The following AGAP1 variants were observed in gnomAD, a reference collection of about 807,000 sequenced individuals.
AGAP1 encodes the protein ArfGAP with GTPase domain, ankyrin repeat and PH domain 1.
In AGAP1, 29 loss-of-function variants were observed where a neutral mutation model predicts 105.3. That is an observed-to-expected ratio of 0.28 (90% CI 0.21 to 0.38). The LOEUF is 0.38. Ranked by LOEUF, AGAP1 falls within the 10% of genes least tolerant of loss-of-function variation. AGAP1 has a pLI of 1.00. For missense variants in AGAP1, 998 were observed against 1,165.1 expected (o/e 0.86, Z 2.09); for synonymous variants, 509 against 485.9 (o/e 1.05, Z -0.63).
intron 6 of AGAP1, among the ~76,000 whole-genome samples, chr2:235,764,869 C>A: frequency 6.1e-5 from 1 of 16,408 alleles, no homozygotes; most frequent in African/African-American, 2.9e-4. Context: ...GGGTTGGGGG[C>A]ATCTGGGAGC....
rs928479534 is a variant in AGAP1, at chr2:235,714,681, C to T, written c.223-2876C>T. On this transcript the variant is annotated intron_variant, in intron 2 of 17. Coordinates refer to ENST00000304032, the MANE Select transcript of AGAP1 (RefSeq NM_001037131.3). The surrounding 1 kb of genome is among the most constrained non-coding windows in gnomAD (Gnocchi z 4.1). Reference sequence around the variant, plus strand: ...ACTGGGTGACAGAGAACATTTGGATCCATGAGCCATCACTCAGACAGCAGA... The same window carrying T: ...ACTGGGTGACAGAGAACATTTGGATTCATGAGCCATCACTCAGACAGCAGA... 6.6e-6 allele frequency among the ~76,000 whole-genome samples: 1 copy of T among 152,082 alleles called. No individual in the cohort carries two copies.
chr2:235,591,560 A>G (rs1366450945), intron 1 of AGAP1, among the ~76,000 whole-genome samples: 2 of 152,108 alleles, frequency 1.3e-5, no homozygotes, highest in Non-Finnish European at 2.9e-5. Flanking sequence ...GTTTGGGATA[A>G]GCATACGGCC....
intron 3 of AGAP1, among the ~76,000 whole-genome samples, chr2:235,735,133 T>C (rs961032912): frequency 6.6e-6 from 1 of 152,158 alleles, no homozygotes; most frequent in Non-Finnish European, 1.5e-5. Context: ...ACAGAGATGA[T>C]GTGGGAAAAC....
rs932859881 is a variant in AGAP1 at position 235,871,128 on chromosome 2, T to TCA, written c.1051-12214_1051-12213dup. Among the ~76,000 whole-genome samples, 17 of 152,200 alleles carry TCA rather than the reference T, an allele frequency of 1.1e-4. 1 individual carries two copies. On this transcript the variant is annotated intron_variant, in intron 9 of 17. Coordinates refer to ENST00000304032, the MANE Select transcript of AGAP1 (RefSeq NM_001037131.3). ...CATTGAAGGGGTCCTCATTCTGAGA[T>TCA]CACAGCTACTGGCATCCCCAGGATT... is the stretch of plus-strand genomic sequence containing the variant.
chr2:236,042,210 G>A lies in AGAP1; in HGVS notation c.1891+1369G>A, dbSNP rs189792903. ...AGCAGGGAGGAGGCCAGCCAGGGTCGGCTTGGCCGGGAAGGGAGACAGGAG... is the reference window on the plus strand; with the variant it reads ...AGCAGGGAGGAGGCCAGCCAGGGTCAGCTTGGCCGGGAAGGGAGACAGGAG... On this transcript the variant is annotated intron_variant, in intron 15 of 17. Coordinates refer to ENST00000304032, the MANE Select transcript of AGAP1 (RefSeq NM_001037131.3). This position sits in a 1 kb window ranked among gnomAD's most constrained non-coding sequence, Gnocchi z 5.6. 1.3e-5 allele frequency among the ~76,000 whole-genome samples: 2 copies of A among 152,058 alleles called. No homozygotes were observed. Among genetic ancestry groups the A allele is most frequent in the African/African-American group, 2.4e-5 (1 of 41,392 alleles).
intron 9 of AGAP1, among the ~76,000 whole-genome samples, chr2:235,808,049 A>T (rs1957934396): frequency 6.6e-6 from 1 of 152,178 alleles, no homozygotes; most frequent in African/African-American, 2.4e-5. Flanking sequence ...AATAAGAAAA[A>T]AAAAAAACCC....
chr2:235,653,902 C>G (rs866128660), intron 1 of AGAP1, among the ~76,000 whole-genome samples: 1 of 151,864 alleles, frequency 6.6e-6, no homozygotes, highest in African/African-American at 2.4e-5. Context: ...ACTAAAAATA[C>G]AAAATTAGCC....
At chr2:235,849,815 G>C (rs1394250806) in intron 9 of AGAP1, among the ~76,000 whole-genome samples, 1 of 152,218 alleles carries the variant, frequency 6.6e-6, no homozygotes, top group African/African-American at 2.4e-5. Context: ...CCCTGGAGGG[G>C]AGGAAGACGA....
rs886294344 is a variant in AGAP1, at chr2:235,635,764, A to C, written c.164-73415A>C. On this transcript the variant is annotated intron_variant, in intron 1 of 17. Transcript: ENST00000304032. This position sits in a 1 kb window ranked among gnomAD's most constrained non-coding sequence, Gnocchi z 5.3. ...GAAGGTTAAAACTTGTTGGCTTTGG[A>C]GGTTTACTGATAGGTCGTTCTGAGT... is the stretch of plus-strand genomic sequence containing the variant. Among the ~76,000 whole-genome samples, 2 of 152,088 alleles carry C rather than the reference A, an allele frequency of 1.3e-5. No homozygotes were observed. The highest frequency in any genetic ancestry group is 2.9e-5 in the Non-Finnish European group (2 of 68,028).
intron 6 of AGAP1, among the ~76,000 whole-genome samples, chr2:235,771,427 C>T (rs112502111): frequency 5.3e-5 from 8 of 152,298 alleles, no homozygotes; most frequent in African/African-American, 1.4e-4. Flanking sequence ...CAGGAACCCA[C>T]GGACCTGCCA....
rs562029836 is a variant in AGAP1 at position 235,780,480 on chromosome 2, T to C, written c.674-17279T>C. 2.0e-4 allele frequency among the ~76,000 whole-genome samples: 30 copies of C among 152,336 alleles called. No homozygotes were observed. In the South Asian group the frequency reaches 6.2e-3, roughly 32 times the overall value. ...TTTTTGGAGAAGTGTAAATCAGCTT[T>C]AGTGCAGCAAGCACACCACAGATTT... On this transcript the variant is annotated intron_variant, in intron 6 of 17. Coordinates refer to ENST00000304032, the MANE Select transcript of AGAP1 (RefSeq NM_001037131.3).
In AGAP1 at chr2:235,888,803, C is replaced by T. The variant is rs538907269; in HGVS notation, c.1155+5354C>T. On this transcript the variant is annotated intron_variant, in intron 10 of 17. Coordinates refer to ENST00000304032, the MANE Select transcript of AGAP1 (RefSeq NM_001037131.3). The surrounding 1 kb of genome is among the most constrained non-coding windows in gnomAD (Gnocchi z 4.8). The stretch of plus-strand genomic sequence containing the variant: ...CCAGCCTTCCCTGTGGCCACTTCAG[C>T]TCCTGCGTGCTCCCAGCAGTGCCAG... Among the ~76,000 whole-genome samples, 132 of 152,286 alleles carry T rather than the reference C, an allele frequency of 8.7e-4. 1 individual carries two copies. The highest frequency in any genetic ancestry group is 3.1e-3 in the African/African-American group (129 of 41,570).
rs932674178 is a variant in AGAP1, at chr2:235,788,820, C to T, written c.674-8939C>T. ...GACCGGCAGTAGACAAAACCAGCTG[C>T]GGGGCCACACCACGTTAGGGTGCTT... On this transcript the variant is annotated intron_variant, in intron 6 of 17. Coordinates refer to ENST00000304032, the MANE Select transcript of AGAP1 (RefSeq NM_001037131.3). The surrounding 1 kb of genome is among the most constrained non-coding windows in gnomAD (Gnocchi z 6.0). Among the ~76,000 whole-genome samples the T allele has an allele frequency of 1.3e-5, 2 of 152,112 alleles. No homozygotes were observed. The highest frequency in any genetic ancestry group is 2.4e-5 in the African/African-American group (1 of 41,422).
In AGAP1 at chr2:236,040,849, T is replaced by TGTGCGGTG. The variant is rs1178273577; in HGVS notation, c.1891+11_1891+18dup. On this transcript the variant is annotated intron_variant, in intron 15 of 17. Coordinates refer to ENST00000304032, the MANE Select transcript of AGAP1 (RefSeq NM_001037131.3). The surrounding 1 kb of genome is among the most constrained non-coding windows in gnomAD (Gnocchi z 5.6). ...TGGACTGCGAGACCCAGAGTAAGTGTGTGCGGTGGTAGCAGGGGCTGGCGC... is the reference window on the plus strand; with the variant it reads ...TGGACTGCGAGACCCAGAGTAAGTGTGTGCGGTGGTGCGGTGGTAGCAGGGGCTGGCGC... The TGTGCGGTG allele has an allele frequency of 1.2e-6, 2 of 1,614,044 alleles. No homozygotes were observed. The highest frequency in any genetic ancestry group is 3.3e-5 in the Admixed American group (2 of 60,020).
intron 15 of AGAP1, among the ~76,000 whole-genome samples, chr2:236,043,746 G>A (rs1448790913): frequency 2.4e-5 from 3 of 124,512 alleles, no homozygotes; most frequent in East Asian, 3.1e-4. Flanking sequence ...AGTGGGGGGG[G>A]TGCTTAATTG....
At chr2:235,703,044 C>T (rs893457456) in intron 1 of AGAP1, among the ~76,000 whole-genome samples, 1 of 150,102 alleles carries the variant, frequency 6.7e-6, no homozygotes, top group Non-Finnish European at 1.5e-5. Context: ...TCTCCTGCCC[C>T]AGCCTCCTGA....
chr2:235,564,801 C>A (rs1447568819), intron 1 of AGAP1, among the ~76,000 whole-genome samples: 1 of 140,776 alleles, frequency 7.1e-6, no homozygotes, highest in Admixed American at 7.1e-5. Flanking sequence ...TGAGCCTGGA[C>A]CAGCACCCAC....
chr2:235,752,444 G>A lies in AGAP1; in HGVS notation c.673+1956G>A, dbSNP rs533651571. 1.9e-4 allele frequency among the ~76,000 whole-genome samples: 29 copies of A among 152,304 alleles called. No homozygotes were observed. Among genetic ancestry groups the A allele is most frequent in the African/African-American group, 6.3e-4 (26 of 41,574 alleles). Reference sequence around the variant, plus strand: ...TCTGCCCACCTTGGCCTCCCAAAGTGCTAGGATTATAGGCATGAGCCACCG... The same window carrying A: ...TCTGCCCACCTTGGCCTCCCAAAGTACTAGGATTATAGGCATGAGCCACCG... On this transcript the variant is annotated intron_variant, in intron 6 of 17. Coordinates refer to ENST00000304032, the MANE Select transcript of AGAP1 (RefSeq NM_001037131.3). The surrounding 1 kb of genome is among the most constrained non-coding windows in gnomAD (Gnocchi z 4.3).
rs2058846280 is a variant in AGAP1 at position 236,083,631 on chromosome 2, G to A, written c.2114+34350G>A. 6.6e-6 allele frequency among the ~76,000 whole-genome samples: 1 copy of A among 152,108 alleles called. No homozygotes were observed. The highest frequency in any genetic ancestry group is 2.4e-5 in the African/African-American group (1 of 41,422). On this transcript the variant is annotated intron_variant, in intron 16 of 17. Transcript: ENST00000304032. The surrounding 1 kb of genome is among the most constrained non-coding windows in gnomAD (Gnocchi z 5.3). ...CCCCAAATTTGGGAGGCTTTCTTAT[G>A]ATCATTCTTAAATAGTTTATTGTCT...
Sources: gnomAD v4.1 joint callset for allele counts (sites outside exome capture counted in the v4.1 genomes callset) on GRCh38, gnomAD v4.1.1 for gene constraint, Gnocchi (gnomAD v3.1) non-coding constraint, MANE v1.5 for transcripts, NCBI Gene and HGNC (gene_info 2026-07-23, HGNC 2026-07-21) for gene names.